Variants in XRCC4 observed in about 807,000 individuals in gnomAD.
XRCC4 encodes X-ray repair cross complementing 4.
XRCC4 carries 28 observed loss-of-function variants against 39.1 expected under a neutral mutation model. The ratio of observed to expected loss-of-function variants is 0.72; its 90% confidence interval spans 0.53 to 0.98. XRCC4 has a LOEUF of 0.98. Ranked by LOEUF, XRCC4 falls within the 50% of genes least tolerant of loss-of-function variation. The pLI is 0.00. For synonymous variants in XRCC4, 123 were observed against 126.4 expected (o/e 0.97, Z 0.18); for missense variants, 350 against 376.4 (o/e 0.93, Z 0.58).
At chr5:83,329,501 C>CCA (rs143172099) in intron 7 of XRCC4, among the ~76,000 whole-genome samples, 12,638 of 152,062 alleles carry the variant, frequency 0.083, 1,125 homozygotes, top group East Asian at 0.48. Flanking sequence ...AGTTTTGAAA[C>CCA]ATATAAAAAT....
chr5:83,343,039 A>G (rs1240696734), intron 7 of XRCC4, among the ~76,000 whole-genome samples: 1 of 151,142 alleles, frequency 6.6e-6, no homozygotes, highest in Non-Finnish European at 1.5e-5. Flanking sequence ...TTGATTTGAT[A>G]TGTCCTAAAA....
At chr5:83,331,524 A>G (rs1364903886) in intron 7 of XRCC4, among the ~76,000 whole-genome samples, 2 of 152,118 alleles carry the variant, frequency 1.3e-5, no homozygotes, top group African/African-American at 4.8e-5. Context: ...CACAAATAGT[A>G]TGACCCAGGA....
intron 3 of XRCC4, among the ~76,000 whole-genome samples, chr5:83,168,485 A>G (rs564034127): frequency 6.6e-6 from 1 of 152,210 alleles, no homozygotes; most frequent in African/African-American, 2.4e-5. Context: ...GAGAAAATAG[A>G]TTTGTACAGT....
At chr5:83,080,221 T>G (rs1445583343) in intron 1 of XRCC4, among the ~76,000 whole-genome samples, 2 of 152,138 alleles carry the variant, frequency 1.3e-5, no homozygotes, top group Admixed American at 6.5e-5. Context: ...AACCACAGTC[T>G]GAAAATATTA....
At chr5:83,284,740 G>A (rs2112962505) in intron 7 of XRCC4, among the ~76,000 whole-genome samples, 1 of 152,140 alleles carries the variant, frequency 6.6e-6, no homozygotes, top group South Asian at 2.1e-4. Context: ...TTCCAAGGAA[G>A]CATTCACATT....
intron 7 of XRCC4, among the ~76,000 whole-genome samples, chr5:83,330,570 C>T (rs1756405438): frequency 1.3e-5 from 2 of 151,840 alleles, no homozygotes; most frequent in African/African-American, 4.8e-5. Context: ...GATTAATGCA[C>T]AGTATAAGAG....
At chr5:83,078,453 T>A (rs995962697) in intron 1 of XRCC4, among the ~76,000 whole-genome samples, 1 of 152,242 alleles carries the variant, frequency 6.6e-6, no homozygotes, top group Non-Finnish European at 1.5e-5. Context: ...TTCAATTTTT[T>A]ATGGACTTAG....
intron 1 of XRCC4, among the ~76,000 whole-genome samples, chr5:83,082,081 G>T (rs569127870): frequency 6.6e-6 from 1 of 152,144 alleles, no homozygotes; most frequent in Admixed American, 6.5e-5. Context: ...TACTATTTCT[G>T]CTATTAGTAT....
At chr5:83,256,446 T>A (rs1473497308) in intron 6 of XRCC4, among the ~76,000 whole-genome samples, 1 of 152,146 alleles carries the variant, frequency 6.6e-6, no homozygotes, top group Non-Finnish European at 1.5e-5. Context: ...AATTTAAACT[T>A]AATATTCTTT....
rs2112669400 is a variant in XRCC4, at chr5:83,186,940, CAT to C, written c.316-8829_316-8828del. ...TTTTTGGCTCATGGCCTGCTTCTTC[CAT>C]TTTTTTTTTTTTTTTTTTTGAGACG... is the stretch of plus-strand genomic sequence containing the variant. On this transcript the variant is annotated intron_variant, in intron 3 of 7. Transcript: ENST00000396027. Among the ~76,000 whole-genome samples the C allele has an allele frequency of 2.1e-5, 2 of 96,876 alleles. 1 individual carries two copies. The highest frequency in any genetic ancestry group is 1.1e-4 in the African/African-American group (2 of 18,342). 63.6% of individuals were successfully genotyped at this position (96,876 alleles called of 152,430 possible).
chr5:83,135,561 T>C lies in XRCC4; in HGVS notation c.315+24358T>C, dbSNP rs908745724. Among the ~76,000 whole-genome samples the C allele has an allele frequency of 2.6e-5, 4 of 152,116 alleles. No individual in the cohort carries two copies. The East Asian group carries it at 5.8e-4, about 22-fold the overall frequency. On this transcript the variant is annotated intron_variant, in intron 3 of 7. Transcript: ENST00000396027. ...TCGTTTTTTGGGGATTCCATTTATA[T>C]GTATATTATGTTTCTGAAATTTATC...
chr5:83,320,213 CG>C (rs1756009519), intron 7 of XRCC4, among the ~76,000 whole-genome samples: 1 of 97,308 alleles, frequency 1.0e-5, no homozygotes, highest in South Asian at 3.4e-4. Flanking sequence ...GTTGTGGGGT[CG>C]GGGGAGGGGG....
rs587779351 is a variant in XRCC4, at chr5:83,105,046, T to A, written c.127T>A (p.Trp43Arg). The change falls in exon 2 of 8, where the codon TGG becomes AGG. Residue 43 changes from tryptophan (W) to arginine (R), a missense_variant. Physicochemically the swap from Trp to Arg is moderately radical, Grantham distance 101 (BLOSUM62 -3). Transcript: ENST00000396027. ...VITLTDGHSA[W>R]TGTVSESEIS... Reference sequence around the variant, plus strand: ...TACACTTACTGATGGTCATTCAGCATGGACTGGGACAGGTAATACTAAAAA... The same window carrying A: ...TACACTTACTGATGGTCATTCAGCAAGGACTGGGACAGGTAATACTAAAAA... 1 of 1,612,886 alleles carries A rather than the reference T, an allele frequency of 6.2e-7. No homozygotes were observed. The highest frequency in any genetic ancestry group is 1.7e-4 in the Middle Eastern group (1 of 6,052).
intron 6 of XRCC4, among the ~76,000 whole-genome samples, chr5:83,216,184 A>G (rs1751852248): frequency 1.3e-5 from 2 of 152,244 alleles, no homozygotes; most frequent in Admixed American, 6.5e-5. Context: ...TGAAGAAGAT[A>G]TAAGAATTGT....
chr5:83,169,399 T>C (rs1359198926), intron 3 of XRCC4, among the ~76,000 whole-genome samples: 1 of 152,242 alleles, frequency 6.6e-6, no homozygotes, highest in African/African-American at 2.4e-5. Context: ...TAATTGATTT[T>C]CTTTTAGTAT....
intron 3 of XRCC4, among the ~76,000 whole-genome samples, chr5:83,193,166 C>T (rs1347505873): frequency 6.6e-6 from 1 of 152,006 alleles, no homozygotes; most frequent in Non-Finnish European, 1.5e-5. Flanking sequence ...TGGCCCCTTG[C>T]ATCTGTAGTA....
intron 3 of XRCC4, among the ~76,000 whole-genome samples, chr5:83,118,044 CCA>C (rs34524513): frequency 0.46 from 54,820 of 118,256 alleles, 10,470 homozygotes; most frequent in Middle Eastern, 0.55. Flanking sequence ...ATATACATCT[CCA>C]CACACACACA....
At chr5:83,078,350 G>A (rs918178852) in intron 1 of XRCC4, among the ~76,000 whole-genome samples, 10 of 152,220 alleles carry the variant, frequency 6.6e-5, no homozygotes, top group Admixed American at 5.9e-4. Context: ...AGAAATGAGA[G>A]TTTTTCACTC....
chr5:83,153,583 A>G (rs1349138167), intron 3 of XRCC4, among the ~76,000 whole-genome samples: 1 of 152,228 alleles, frequency 6.6e-6, no homozygotes, highest in Non-Finnish European at 1.5e-5. Context: ...ATCATTAGCC[A>G]TCAGTGCGCA....
Sources: gnomAD v4.1 joint callset for allele counts (sites outside exome capture counted in the v4.1 genomes callset) on GRCh38, gnomAD v4.1.1 for gene constraint, MANE v1.5 for transcripts, NCBI Gene and HGNC (gene_info 2026-07-23, HGNC 2026-07-21) for gene names.